Variants in TNFAIP8 observed in about 807,000 individuals in gnomAD.
The protein encoded by TNFAIP8 is tumor necrosis factor alpha-induced protein 8.
TNFAIP8 carries 7 observed loss-of-function variants against 13.3 expected under a neutral mutation model. The ratio of observed to expected loss-of-function variants is 0.52; its 90% CI spans 0.30 to 0.99. The LOEUF (loss-of-function observed/expected upper bound fraction) is 0.99, where lower values mean the gene tolerates loss of function less well. Ranked by LOEUF, TNFAIP8 falls within the 50% of genes least tolerant of loss-of-function variation. TNFAIP8 has a pLI of 0.07. For missense variants in TNFAIP8, 258 were observed against 236.9 expected, an observed-to-expected ratio of 1.09 and a Z score of -0.58; for synonymous variants, 94 against 87.6, an observed-to-expected ratio of 1.07 and a Z score of -0.41.
At chr5:119,391,123 C>A (rs1752876212) in intron 1 of TNFAIP8, among the ~76,000 whole-genome samples, 1 of 151,958 alleles carries the variant, frequency 6.6e-6, no homozygotes, top group South Asian at 2.1e-4. Flanking sequence ...TGTGAGCCAC[C>A]ACACCCCGCC....
intron 1 of TNFAIP8, among the ~76,000 whole-genome samples, chr5:119,316,939 T>C (rs919333979): frequency 1.3e-5 from 2 of 152,158 alleles, no homozygotes; most frequent in African/African-American, 4.8e-5. Flanking sequence ...AAGCTCCCCA[T>C]AACAATTATG....
chr5:119,338,741 C>T (rs1750640359), intron 1 of TNFAIP8, among the ~76,000 whole-genome samples: 1 of 152,272 alleles, frequency 6.6e-6, no homozygotes, highest in African/African-American at 2.4e-5. Flanking sequence ...AAGAGAAACC[C>T]CAAGTTAGAC....
chr5:119,283,942 C>T (rs1232135424), intron 1 of TNFAIP8, among the ~76,000 whole-genome samples: 1 of 147,170 alleles, frequency 6.8e-6, no homozygotes, highest in Non-Finnish European at 1.5e-5. Flanking sequence ...TTGTTCTTCG[C>T]CTGTTCTCAG....
At position 119,350,952 on chromosome 5, in the gene TNFAIP8, TTGTGTG is replaced by T. The variant is rs35633858; in HGVS notation, c.2-41842_2-41837del. Among the ~76,000 whole-genome samples the T allele has an allele frequency of 7.9e-4, 115 of 144,790 alleles. 1 individual carries two copies. Among genetic ancestry groups the T allele is most frequent in the Middle Eastern group, 3.5e-3 (1 of 284 alleles). 95.0% of individuals were successfully genotyped at this position (144,790 alleles called of 152,430 possible). On this transcript the variant is annotated intron_variant, in intron 1 of 1. Coordinates refer to the TNFAIP8 transcript ENST00000274456. ...TACAATTTTTTAACTCTATGTGTAT[TTGTGTG>T]TGTGTGTGTGTGTGTGTGTGTAGAG...
chr5:119,336,023 C>A (rs1750540784), intron 1 of TNFAIP8, among the ~76,000 whole-genome samples: 1 of 151,826 alleles, frequency 6.6e-6, no homozygotes, highest in African/African-American at 2.4e-5. Flanking sequence ...AAACAGAGGG[C>A]AAGCGGCTGC....
At chr5:119,377,723 A>C (rs1394033966) in intron 1 of TNFAIP8, among the ~76,000 whole-genome samples, 2 of 151,660 alleles carry the variant, frequency 1.3e-5, no homozygotes, top group African/African-American at 4.9e-5. Flanking sequence ...CCTCGTTAGA[A>C]CCTCATATAA....
intron 1 of TNFAIP8, among the ~76,000 whole-genome samples, chr5:119,288,346 G>T (rs1035202336): frequency 5.3e-5 from 8 of 152,102 alleles, no homozygotes; most frequent in Admixed American, 6.5e-5. Context: ...TGAAACAAAG[G>T]TGTACCTTGA....
At chr5:119,370,968 C>G (rs916307973) in intron 1 of TNFAIP8, among the ~76,000 whole-genome samples, 23 of 152,144 alleles carry the variant, frequency 1.5e-4, no homozygotes, top group African/African-American at 5.3e-4. Flanking sequence ...TAAGATTGCT[C>G]TATTTTGTGA....
At chr5:119,351,792 T>TTC (rs1554177370), upstream of TNFAIP8, among the ~76,000 whole-genome samples, 80 of 146,276 alleles carry the variant, frequency 5.5e-4, no homozygotes, top group African/African-American at 2.0e-3. Flanking sequence ...CTTTTTCTTT[T>TTC]TTTCTTTTTT....
chr5:119,271,062 G>A (rs950596231), intron 1 of TNFAIP8, among the ~76,000 whole-genome samples: 36 of 152,196 alleles, frequency 2.4e-4, no homozygotes, highest in African/African-American at 8.0e-4. Context: ...TTGTTTACGT[G>A]TTGAGCTGTC....
chr5:119,355,264 C>A (rs546658942), upstream of TNFAIP8: 2 of 699,994 alleles, frequency 2.9e-6, no homozygotes, highest in Non-Finnish European at 5.2e-6. Flanking sequence ...GGGAACCGTG[C>A]TCTCCCCCTG....
chr5:119,376,214 A>G lies in TNFAIP8; in HGVS notation c.32-16602A>G, dbSNP rs552310118. On this transcript the variant is annotated intron_variant, in intron 1 of 1. Coordinates refer to ENST00000504771, the MANE Select transcript of TNFAIP8 (RefSeq NM_014350.4). ...ACTGCAACCTCCCCGTCCCGGCTTC[A>G]AGAGATTCTCCCACCTTAGCCTCCT... Among the ~76,000 whole-genome samples, 388 of 151,810 alleles carry G rather than the reference A, an allele frequency of 2.6e-3. 2 individuals are homozygous for G. The highest frequency in any genetic ancestry group is 9.0e-3 in the African/African-American group (374 of 41,378).
upstream of TNFAIP8, among the ~76,000 whole-genome samples, chr5:119,352,766 C>T (rs1018051187): frequency 6.6e-6 from 1 of 151,214 alleles, no homozygotes; most frequent in African/African-American, 2.4e-5. Context: ...TTTTCTGCTG[C>T]CCTGTGATAA....
chr5:119,345,178 C>T (rs183664024), intron 1 of TNFAIP8, among the ~76,000 whole-genome samples: 243 of 152,194 alleles, frequency 1.6e-3, no homozygotes, highest in African/African-American at 5.3e-3. Context: ...AATGTTTTTA[C>T]GTTACTCTTC....
chr5:119,362,512 A>C (rs1297719317), intron 1 of TNFAIP8, among the ~76,000 whole-genome samples: 1 of 152,190 alleles, frequency 6.6e-6, no homozygotes, highest in African/African-American at 2.4e-5. Context: ...TGGAAAAATT[A>C]AGGCTAGGCA....
intron 1 of TNFAIP8, among the ~76,000 whole-genome samples, chr5:119,375,789 TAAA>T (rs1752256428): frequency 6.6e-6 from 1 of 152,188 alleles, no homozygotes; most frequent in Admixed American, 6.5e-5. Context: ...TTTAGGATCT[TAAA>T]GTAAGGATTA....
chr5:119,385,564 G>A (rs1010653555), intron 1 of TNFAIP8, among the ~76,000 whole-genome samples: 2 of 152,080 alleles, frequency 1.3e-5, no homozygotes, highest in African/African-American at 4.8e-5. Flanking sequence ...AGTCCTCGTA[G>A]TACTAAATCT....
intron 1 of TNFAIP8, among the ~76,000 whole-genome samples, chr5:119,365,469 G>A (rs1164710816): frequency 6.6e-6 from 1 of 152,196 alleles, no homozygotes; most frequent in Non-Finnish European, 1.5e-5. Flanking sequence ...TTAGTGTAAA[G>A]CTCAGTGCTC....
chr5:119,338,331 A>G (rs6861849), intron 1 of TNFAIP8, among the ~76,000 whole-genome samples: 15,938 of 152,170 alleles, frequency 0.1, 1,036 homozygotes, highest in African/African-American at 0.2. Flanking sequence ...CCCCGTCAGG[A>G]AGGGTAGGGC....
Sources: allele counts gnomAD v4.1 joint callset (sites outside exome capture counted in the v4.1 genomes callset), GRCh38; gene constraint gnomAD v4.1.1; transcripts MANE v1.5; gene names NCBI Gene and HGNC (gene_info 2026-07-23, HGNC 2026-07-21).